CADM2: variants seen among roughly 807,000 people sequenced by gnomAD.
The protein encoded by CADM2 is immunoglobulin superfamily member 4D.
CADM2 carries 12 observed loss-of-function variants against 49.8 expected under a neutral mutation model. The observed-to-expected ratio is 0.24, with a 90% CI of 0.15 to 0.39. The LOEUF (loss-of-function observed/expected upper bound fraction) is 0.39. Among genes scored for constraint, CADM2 ranks in the 10% least tolerant of loss-of-function variants. The pLI, the probability that CADM2 is intolerant of heterozygous loss-of-function variation, is 1.00. For synonymous variants in CADM2, 214 were observed against 175.4 expected (o/e 1.22, Z -1.74); for missense variants, 378 against 492.3 (o/e 0.77, Z 2.20).
chr3:85,637,377 T>C (rs896191992), intron 1 of CADM2, among the ~76,000 whole-genome samples: 1 of 148,742 alleles, frequency 6.7e-6, no homozygotes, highest in African/African-American at 2.5e-5. Context: ...CCGAGGCGGG[T>C]GGATCATGAG....
chr3:85,632,293 A>G (rs2064337307), intron 1 of CADM2, among the ~76,000 whole-genome samples: 1 of 152,102 alleles, frequency 6.6e-6, no homozygotes, highest in African/African-American at 2.4e-5. Flanking sequence ...ATGATTGTGA[A>G]GGTTTCCCCA....
intron 8 of CADM2, among the ~76,000 whole-genome samples, chr3:86,016,504 A>T (rs1732252934): frequency 6.6e-6 from 1 of 152,178 alleles, no homozygotes; most frequent in Non-Finnish European, 1.5e-5. Context: ...AATATAATTA[A>T]ATGATAGTAA....
At chr3:85,587,841 C>T (rs991076649) in intron 1 of CADM2, among the ~76,000 whole-genome samples, 2 of 151,940 alleles carry the variant, frequency 1.3e-5, no homozygotes, top group East Asian at 1.9e-4. Flanking sequence ...ACCCCCAGTA[C>T]TCAAGCTATC....
At chr3:85,724,096 A>C (rs1324497358) in intron 1 of CADM2, among the ~76,000 whole-genome samples, 1 of 151,990 alleles carries the variant, frequency 6.6e-6, no homozygotes, top group Non-Finnish European at 1.5e-5. Context: ...AAAATCCACT[A>C]ACATTTTACC....
At chr3:85,299,773 C>T (rs943594882) in intron 1 of CADM2, among the ~76,000 whole-genome samples, 1 of 151,998 alleles carries the variant, frequency 6.6e-6, no homozygotes, top group Non-Finnish European at 1.5e-5. Context: ...TTTTCTGAAG[C>T]ATGTGAGAGC....
At chr3:86,065,797 A>C (rs1159527635) in intron 9 of CADM2, 67 bp downstream of exon 9, 1 of 1,519,408 alleles carries the variant, frequency 6.6e-7, no homozygotes, top group African/African-American at 1.4e-5. Context: ...ATTATAAAAT[A>C]TGATATCAGT....
chr3:85,333,643 G>A (rs2044998974), intron 1 of CADM2, among the ~76,000 whole-genome samples: 1 of 151,766 alleles, frequency 6.6e-6, no homozygotes, highest in African/African-American at 2.4e-5. Context: ...TGCTCTTGCT[G>A]CAGTTTTGCA....
chr3:85,434,318 A>C (rs2107528462), intron 1 of CADM2, among the ~76,000 whole-genome samples: 1 of 152,050 alleles, frequency 6.6e-6, no homozygotes, highest in African/African-American at 2.4e-5. Flanking sequence ...ATCCTGGCTT[A>C]CTATTTTCAT....
intron 1 of CADM2, among the ~76,000 whole-genome samples, chr3:85,489,280 T>C (rs568355418): frequency 2.2e-4 from 33 of 152,270 alleles, no homozygotes; most frequent in African/African-American, 7.9e-4. Flanking sequence ...AATTTAACTT[T>C]GTTCCGATGT....
intron 1 of CADM2, among the ~76,000 whole-genome samples, chr3:85,015,091 A>G (rs1182435243): frequency 6.6e-6 from 1 of 152,156 alleles, no homozygotes; most frequent in Non-Finnish European, 1.5e-5. Context: ...TACATAGTAT[A>G]CATACACGTA....
intron 1 of CADM2, among the ~76,000 whole-genome samples, chr3:85,185,921 C>T (rs774135889): frequency 6.6e-6 from 1 of 152,124 alleles, no homozygotes; most frequent in African/African-American, 2.4e-5. Flanking sequence ...ATTCTTCAAC[C>T]GCAAAAGAAA....
At chr3:85,260,822 T>C (rs988259603) in intron 1 of CADM2, among the ~76,000 whole-genome samples, 14 of 152,248 alleles carry the variant, frequency 9.2e-5, no homozygotes, top group African/African-American at 3.4e-4. Context: ...AATCTATCAT[T>C]AGTAACGAAT....
chr3:84,978,369 A>C (rs2031962978), intron 1 of CADM2, among the ~76,000 whole-genome samples: 1 of 152,138 alleles, frequency 6.6e-6, no homozygotes, highest in African/African-American at 2.4e-5. Context: ...TTTTTAAAGT[A>C]ATATTCTTTA....
chr3:85,974,063 A>C (rs1212759963), intron 8 of CADM2, among the ~76,000 whole-genome samples: 1 of 151,704 alleles, frequency 6.6e-6, no homozygotes, highest in Non-Finnish European at 1.5e-5. Flanking sequence ...AAAAGACAAA[A>C]ACATGTTAAT....
At chr3:85,717,764 T>G (rs574491783) in intron 1 of CADM2, among the ~76,000 whole-genome samples, 13 of 151,844 alleles carry the variant, frequency 8.6e-5, no homozygotes, top group African/African-American at 2.7e-4. Context: ...TTTGTGGGGG[T>G]TTTTGTTTGT....
chr3:85,292,337 G>A (rs367633244), intron 1 of CADM2, among the ~76,000 whole-genome samples: 2,069 of 150,442 alleles, frequency 0.014, 19 homozygotes, highest in Non-Finnish European at 0.022. Flanking sequence ...CACATTAATA[G>A]TGGGAGACTT....
At chr3:85,467,476 C>G (rs750177284) in intron 1 of CADM2, among the ~76,000 whole-genome samples, 1 of 152,034 alleles carries the variant, frequency 6.6e-6, no homozygotes, top group Non-Finnish European at 1.5e-5. Context: ...CAAAGCTACT[C>G]TGTAAATTGG....
chr3:85,835,862 A>G (rs186251374), intron 3 of CADM2, among the ~76,000 whole-genome samples: 2 of 150,474 alleles, frequency 1.3e-5, no homozygotes, highest in East Asian at 3.9e-4. Flanking sequence ...TAACTAATGA[A>G]ATTTCTCATT....
intron 1 of CADM2, among the ~76,000 whole-genome samples, chr3:85,314,735 A>C (rs1271327184): frequency 6.6e-6 from 1 of 152,176 alleles, no homozygotes; most frequent in Non-Finnish European, 1.5e-5. Context: ...GAGAAGTATA[A>C]ATTTGAACTC....
Sources: gnomAD v4.1 joint callset for allele counts (sites outside exome capture counted in the v4.1 genomes callset) on GRCh38, gnomAD v4.1.1 for gene constraint, MANE v1.5 for transcripts, NCBI Gene and HGNC (gene_info 2026-07-23, HGNC 2026-07-21) for gene names.